CSMD1: variants seen among roughly 807,000 people sequenced by gnomAD.
CSMD1 encodes the protein CUB and Sushi multiple domains 1, also known as CUB and sushi domain-containing protein 1.
In CSMD1, 213 loss-of-function variants were observed where a neutral mutation model predicts 417.5. The observed-to-expected ratio is 0.51, with a 90% CI of 0.46 to 0.57. The LOEUF is 0.57. Among genes scored for constraint, CSMD1 ranks in the 20% least tolerant of loss-of-function variants. The pLI is 0.00. For synonymous variants in CSMD1, 2,862 were observed against 1,736.8 expected, an observed-to-expected ratio of 1.65 and a Z score of -16.11; for missense variants, 6,923 against 4,529.7, an observed-to-expected ratio of 1.53 and a Z score of -15.17.
chr8:3,167,240 G>C (rs1044913431), intron 37 of CSMD1, among the ~76,000 whole-genome samples: 3 of 143,644 alleles, frequency 2.1e-5, no homozygotes, highest in Non-Finnish European at 4.5e-5. Context: ...AGCCGAGATC[G>C]CACACTGCAC....
intron 10 of CSMD1, among the ~76,000 whole-genome samples, chr8:3,523,015 CCACACACA>C (rs35558604): frequency 2.8e-5 from 4 of 141,794 alleles, no homozygotes; most frequent in East Asian, 2.0e-4. Flanking sequence ...ATACACACAC[CCACACACA>C]CACACACACA....
At chr8:4,812,474 T>C (rs767041055) in intron 1 of CSMD1, among the ~76,000 whole-genome samples, 19 of 152,302 alleles carry the variant, frequency 1.2e-4, no homozygotes, top group Admixed American at 3.9e-4. Flanking sequence ...ATAGAAATAA[T>C]ACTTAAGTTG....
rs1013733789 is a variant in CSMD1 at position 4,051,920 on chromosome 8, C to T, written c.416-19821G>A. Among the ~76,000 whole-genome samples, 6 of 139,338 alleles carry T rather than the reference C, an allele frequency of 4.3e-5. No homozygotes were observed. In the East Asian group the frequency reaches 6.4e-4, roughly 15 times the overall value. 91.4% of individuals were successfully genotyped at this position (139,338 alleles called of 152,430 possible). A position where few individuals can be genotyped will look rare whatever the true frequency, so the allele number is the denominator to read the frequency against. ...CCTTCCTTCCTTCCTTCCTTTCTTT[C>T]TTTTTCTTTCTTTCTTTCTTTCTTG... On this transcript the variant is annotated intron_variant, in intron 3 of 69. Transcript: ENST00000635120.
At chr8:3,398,947 C>A (rs755784852) in intron 16 of CSMD1, among the ~76,000 whole-genome samples, 5 of 152,142 alleles carry the variant, frequency 3.3e-5, no homozygotes, top group Non-Finnish European at 7.3e-5. Flanking sequence ...GCTGTCCGCA[C>A]CCCATTGCCC....
At chr8:4,209,411 G>A (rs144913285) in intron 3 of CSMD1, among the ~76,000 whole-genome samples, 1 of 152,084 alleles carries the variant, frequency 6.6e-6, no homozygotes, top group Admixed American at 6.5e-5. Flanking sequence ...GGTTCCTGTG[G>A]AATTGTATGA....
intron 3 of CSMD1, among the ~76,000 whole-genome samples, chr8:4,177,644 G>A (rs1290426607): frequency 7.1e-6 from 1 of 141,390 alleles, no homozygotes; most frequent in African/African-American, 2.6e-5. Flanking sequence ...TCCAGGAGCT[G>A]CTTTTTTGAA....
At chr8:4,190,968 A>C in intron 3 of CSMD1, among the ~76,000 whole-genome samples, 1 of 150,132 alleles carries the variant, frequency 6.7e-6, no homozygotes, top group South Asian at 2.1e-4. Flanking sequence ...GGGGCGGGGA[A>C]GGGAGAGGAT....
chr8:4,327,354 T>C (rs1448968209), intron 3 of CSMD1, among the ~76,000 whole-genome samples: 1 of 152,158 alleles, frequency 6.6e-6, no homozygotes, highest in Admixed American at 6.6e-5. Context: ...GGCAGAGAGT[T>C]AAAAGAAAGG....
intron 2 of CSMD1, among the ~76,000 whole-genome samples, chr8:4,441,115 T>TTTTTTTTTTTA (rs1563176345): frequency 7.2e-6 from 1 of 139,578 alleles, no homozygotes; most frequent in African/African-American, 2.6e-5. Context: ...TTTTTTTTTT[T>TTTTTTTTTTTA]TTTAAGAGAT....
chr8:3,230,204 G>T lies in CSMD1; in HGVS notation c.4181C>A (p.Pro1394Gln), dbSNP rs769578370. 6 of 1,606,310 alleles carry T rather than the reference G, an allele frequency of 3.7e-6. No individual in the cohort carries two copies. The highest frequency in any genetic ancestry group is 5.1e-6 in the Non-Finnish European group (6 of 1,176,148). ...STSIAATCND[P>Q]GMPQNGTRYG... ...GCGGGTGCCATTTTGGGGCATACCT[G>T]GATCGTTACAGGTGGCTGCAATTGA... The change falls in exon 27 of 70, where the codon CCA becomes CAA. Residue 1394 changes from proline (P) to glutamine (Q), a missense_variant. Transcript: ENST00000635120.
chr8:4,221,693 C>G (rs551977492), intron 3 of CSMD1, among the ~76,000 whole-genome samples: 1 of 152,296 alleles, frequency 6.6e-6, no homozygotes, highest in African/African-American at 2.4e-5. Context: ...CACATTCCAG[C>G]AATAGACTGG....
At chr8:4,508,888 G>A (rs112697422) in intron 2 of CSMD1, among the ~76,000 whole-genome samples, 71 of 152,090 alleles carry the variant, frequency 4.7e-4, no homozygotes, top group African/African-American at 1.7e-3. Context: ...TTTCTTCCTA[G>A]AGGAAAATGC....
At chr8:3,730,827 G>C (rs957809979) in intron 6 of CSMD1, among the ~76,000 whole-genome samples, 2 of 152,162 alleles carry the variant, frequency 1.3e-5, no homozygotes, top group Non-Finnish European at 2.9e-5. Context: ...CCCCATTCAT[G>C]TTATGCCAGA....
chr8:4,590,198 G>T (rs141032581), intron 2 of CSMD1, among the ~76,000 whole-genome samples: 1 of 151,846 alleles, frequency 6.6e-6, no homozygotes, highest in African/African-American at 2.4e-5. Flanking sequence ...GATGAGACCA[G>T]GATAACTCAT....
chr8:3,989,688 A>C (rs75197309), intron 5 of CSMD1, among the ~76,000 whole-genome samples: 2,237 of 152,332 alleles, frequency 0.015, 46 homozygotes, highest in African/African-American at 0.051. Context: ...GTGATACTCT[A>C]AAGAGATTCG....
intron 1 of CSMD1, among the ~76,000 whole-genome samples, chr8:4,891,640 C>G (rs1462609358): frequency 6.6e-6 from 1 of 151,994 alleles, no homozygotes; most frequent in East Asian, 1.9e-4. Flanking sequence ...GATGCTGAAT[C>G]CAAATTTATT....
intron 11 of CSMD1, among the ~76,000 whole-genome samples, chr8:3,474,938 C>T (rs961072046): frequency 6.6e-6 from 1 of 151,956 alleles, no homozygotes; most frequent in Non-Finnish European, 1.5e-5. Flanking sequence ...AGAAATAAGC[C>T]ATCATATTGT....
At chr8:3,583,197 A>G (rs186005587) in intron 9 of CSMD1, among the ~76,000 whole-genome samples, 1 of 152,066 alleles carries the variant, frequency 6.6e-6, no homozygotes, top group East Asian at 1.9e-4. Flanking sequence ...CCCTGATCTA[A>G]GCCCACACAT....
intron 1 of CSMD1, among the ~76,000 whole-genome samples, chr8:4,900,286 T>C (rs368018371): frequency 1.3e-5 from 2 of 152,300 alleles, no homozygotes; most frequent in African/African-American, 2.4e-5. Flanking sequence ...AATCAGTATA[T>C]GCAACTCATC....
Sources: allele counts gnomAD v4.1 joint callset (sites outside exome capture counted in the v4.1 genomes callset), GRCh38; gene constraint gnomAD v4.1.1; transcripts MANE v1.5; gene names NCBI Gene and HGNC (gene_info 2026-07-23, HGNC 2026-07-21).